The following APBB2 variants were observed in gnomAD, a reference collection of about 807,000 sequenced individuals.
The protein encoded by APBB2 is amyloid beta precursor protein binding family B member 2, also known as Fe65-like 1.
APBB2 carries 38 observed loss-of-function variants against 82.5 expected under a neutral mutation model. The ratio of observed to expected loss-of-function variants is 0.46; its 90% confidence interval spans 0.36 to 0.60. APBB2 has a LOEUF of 0.60. APBB2 is among the 20% of genes least tolerant of loss of function. The probability of loss-of-function intolerance (pLI) is 0.00; values close to 1 mark genes in which losing one functional copy is unlikely to be tolerated. For synonymous variants in APBB2, 341 were observed against 368.2 expected (o/e 0.93, Z 0.85); for missense variants, 772 against 972.3 (o/e 0.79, Z 2.74).
At chr4:41,020,252 A>C (rs1376916060) in intron 5 of APBB2, among the ~76,000 whole-genome samples, 3 of 152,330 alleles carry the variant, frequency 2.0e-5, no homozygotes, top group Admixed American at 2.0e-4. Flanking sequence ...TCCTATCAAA[A>C]ATCCTTAACC....
Position 40,962,223 on chromosome 4 carries a change from T to C in APBB2, c.836-17150A>G, listed in dbSNP as rs190877919. On this transcript the variant is annotated intron_variant, in intron 6 of 17. Coordinates refer to ENST00000508593, the MANE Select transcript of APBB2 (RefSeq NM_004307.2). ...GTGGATCCCATCTGCCAGGGATGCA[T>C]GTATAGAAACTGCCATTTTTTTTAA... is the stretch of plus-strand genomic sequence containing the variant. Among the ~76,000 whole-genome samples, 348 of 152,298 alleles carry C rather than the reference T, an allele frequency of 2.3e-3. 1 individual carries two copies. The highest frequency in any genetic ancestry group is 6.8e-3 in the Middle Eastern group (2 of 294).
At chr4:41,144,648 C>T (rs1447764524) in intron 1 of APBB2, among the ~76,000 whole-genome samples, 1 of 152,252 alleles carries the variant, frequency 6.6e-6, no homozygotes, top group Non-Finnish European at 1.5e-5. Flanking sequence ...TTAATTTACA[C>T]GTTCAAAACC....
intron 2 of APBB2, among the ~76,000 whole-genome samples, chr4:41,110,071 T>G (rs965959383): frequency 6.6e-6 from 1 of 152,074 alleles, no homozygotes; most frequent in Non-Finnish European, 1.5e-5. Context: ...GATTTATCCA[T>G]CAAGACTCCA....
chr4:40,964,560 C>T (rs1008601999), intron 6 of APBB2, among the ~76,000 whole-genome samples: 5 of 151,954 alleles, frequency 3.3e-5, no homozygotes, highest in East Asian at 3.9e-4. Context: ...GAGGAATGTG[C>T]GGGGTGCTCC....
intron 6 of APBB2, among the ~76,000 whole-genome samples, chr4:40,982,215 AAGAAAG>A (rs1197357098): frequency 1.4e-3 from 7 of 5,040 alleles, no homozygotes; most frequent in African/African-American, 3.7e-3. Context: ...AAAGAAAGAA[AAGAAAG>A]GAAAGAAAGA....
At chr4:41,120,744 C>T (rs1454620661) in intron 2 of APBB2, among the ~76,000 whole-genome samples, 2 of 152,196 alleles carry the variant, frequency 1.3e-5, no homozygotes, top group Admixed American at 6.5e-5. Context: ...AGGCACCGCG[C>T]TCTTGCAAAA....
At chr4:41,188,447 C>T (rs1446747005) in intron 1 of APBB2, among the ~76,000 whole-genome samples, 1 of 152,044 alleles carries the variant, frequency 6.6e-6, no homozygotes, top group Non-Finnish European at 1.5e-5. Context: ...GATTAGATCA[C>T]GAGGGTACAG....
intron 4 of APBB2, among the ~76,000 whole-genome samples, chr4:41,050,046 C>A (rs1725370444): frequency 6.6e-6 from 1 of 151,994 alleles, no homozygotes; most frequent in African/African-American, 2.4e-5. Context: ...ATCTGCTGAC[C>A]TTCCCTCCAC....
At chr4:41,162,149 CAAT>C (rs1185417034) in intron 1 of APBB2, among the ~76,000 whole-genome samples, 1 of 150,734 alleles carries the variant, frequency 6.6e-6, no homozygotes, top group Admixed American at 6.6e-5. Context: ...TAAAAATTAA[CAAT>C]AATTTCTTAA....
intron 3 of APBB2, among the ~76,000 whole-genome samples, chr4:41,100,020 T>C (rs1174950111): frequency 7.9e-5 from 12 of 152,222 alleles, no homozygotes; most frequent in Non-Finnish European, 2.9e-5. Flanking sequence ...CTGAATTTTC[T>C]GGTTCCAAGC....
At chr4:40,824,364 A>C (rs1287414379) in intron 15 of APBB2, among the ~76,000 whole-genome samples, 6 of 151,944 alleles carry the variant, frequency 3.9e-5, no homozygotes, top group Admixed American at 3.9e-4. Context: ...AGCTGTTTCC[A>C]CAGTTTTTCT....
intron 10 of APBB2, among the ~76,000 whole-genome samples, chr4:40,916,663 G>C (rs1449229163): frequency 6.6e-6 from 1 of 152,190 alleles, no homozygotes; most frequent in African/African-American, 2.4e-5. Flanking sequence ...GACAGACAGG[G>C]AGAAACTGAA....
At chr4:41,136,604 TA>T (rs1757636457) in intron 2 of APBB2, among the ~76,000 whole-genome samples, 1 of 152,172 alleles carries the variant, frequency 6.6e-6, no homozygotes, top group Non-Finnish European at 1.5e-5. Context: ...AGGAAGCAGA[TA>T]AGCCATCCTG....
rs910821304 is a variant in APBB2 at position 41,206,786 on chromosome 4, C to T, written c.-417+7619G>A. 5.3e-4 allele frequency among the ~76,000 whole-genome samples: 80 copies of T among 152,290 alleles called. 1 individual carries two copies. Among genetic ancestry groups the T allele is most frequent in the South Asian group, 1.5e-3 (7 of 4,822 alleles). ...TGATTTATTCACTTCCACTGACAAA[C>T]AATACCACCTAGCAAATTGTGATAC... is the stretch of plus-strand genomic sequence containing the variant. On this transcript the variant is annotated intron_variant, in intron 1 of 17. Coordinates refer to ENST00000508593, the MANE Select transcript of APBB2 (RefSeq NM_004307.2).
chr4:41,158,412 G>A (rs2154032264), intron 1 of APBB2, among the ~76,000 whole-genome samples: 1 of 152,302 alleles, frequency 6.6e-6, no homozygotes, highest in Non-Finnish European at 1.5e-5. Context: ...ACACTAAGAA[G>A]TCATTCTGGT....
At chr4:40,820,761 A>G (rs1369185617) in intron 17 of APBB2, among the ~76,000 whole-genome samples, 1 of 152,266 alleles carries the variant, frequency 6.6e-6, no homozygotes, top group Admixed American at 6.5e-5. Context: ...CGCCATCATC[A>G]TAAGCCCGCC....
intron 4 of APBB2, among the ~76,000 whole-genome samples, chr4:41,063,616 A>G (rs1730610169): frequency 6.6e-6 from 1 of 152,148 alleles, no homozygotes; most frequent in Admixed American, 6.5e-5. Context: ...ACTGCTTTTA[A>G]CTGTCTGACT....
intron 10 of APBB2, among the ~76,000 whole-genome samples, chr4:40,896,359 A>T (rs1773662549): frequency 6.6e-6 from 1 of 152,246 alleles, no homozygotes; most frequent in Admixed American, 6.5e-5. Context: ...CACCGCACCC[A>T]GAACTCAATA....
chr4:41,033,281 A>T lies in APBB2; in HGVS notation c.-27T>A. 1 of 1,593,858 alleles carries T rather than the reference A, an allele frequency of 6.3e-7. No individual in the cohort carries two copies. Among genetic ancestry groups the T allele is most frequent in the Non-Finnish European group, 8.6e-7 (1 of 1,169,506 alleles). ...GATCACCAGGCGTCAGCAATGGTGC[A>T]GGAAATAGGTTATAATTTGAAATCT... is the stretch of plus-strand genomic sequence containing the variant. On this transcript the variant is annotated 5_prime_UTR_variant, in exon 5 of 18. Coordinates refer to ENST00000508593, the MANE Select transcript of APBB2 (RefSeq NM_004307.2).
Sources: allele counts gnomAD v4.1 joint callset (sites outside exome capture counted in the v4.1 genomes callset), GRCh38; gene constraint gnomAD v4.1.1; transcripts MANE v1.5; gene names NCBI Gene and HGNC (gene_info 2026-07-23, HGNC 2026-07-21).